SUN1: variants seen among roughly 807,000 people sequenced by gnomAD.
SUN1 encodes Sad1 and UNC84 domain containing 1, also known as SUN domain-containing protein 1.
Under a neutral mutation model 103.2 loss-of-function variants are expected in SUN1, and 61 were observed. The observed-to-expected ratio is 0.59, with a 90% CI of 0.48 to 0.73. The LOEUF (loss-of-function observed/expected upper bound fraction) is 0.73, where lower values mean the gene tolerates loss of function less well. Ranked by LOEUF, SUN1 falls within the 30% of genes least tolerant of loss-of-function variation. The pLI is 0.00. For synonymous variants in SUN1, 490 were observed against 425.7 expected, an observed-to-expected ratio of 1.15 and a Z score of -1.86; for missense variants, 1,052 against 1,034.6, an observed-to-expected ratio of 1.02 and a Z score of -0.23.
chr7:837,848 A>ACTAGAATCACAATTGTGTAAAATATTCTG (rs1804959574), intron 1 of SUN1, among the ~76,000 whole-genome samples: 1 of 152,170 alleles, frequency 6.6e-6, no homozygotes, highest in African/African-American at 2.4e-5. Flanking sequence ...GTTTTCTTAA[A>ACTAGAATCACAATTGTGTAAAATATTCTG]CTAGAATCAC....
chr7:868,376 A>G, intron 16 of SUN1: 1 of 260,246 alleles, frequency 3.8e-6, no homozygotes, highest in South Asian at 3.8e-5. Flanking sequence ...ATGTGTGCGC[A>G]GCAGGCCGAC....
chr7:849,191 C>T (rs1159117639), intron 5 of SUN1, among the ~76,000 whole-genome samples: 1 of 152,220 alleles, frequency 6.6e-6, no homozygotes, highest in East Asian at 1.9e-4. Flanking sequence ...CTCCTGACCT[C>T]GTGATCGCCC....
intron 1 of SUN1, among the ~76,000 whole-genome samples, chr7:817,705 C>T (rs1782135265): frequency 6.6e-6 from 1 of 152,206 alleles, no homozygotes; most frequent in Non-Finnish European, 1.5e-5. Context: ...TACATCTCCA[C>T]TGTGGAGAAA....
intron 3 of SUN1, 29 bp downstream of exon 3, chr7:842,159 C>T (rs369771647): frequency 1.6e-5 from 25 of 1,601,060 alleles, no homozygotes; most frequent in South Asian, 8.9e-5. Context: ...CAGATTGTCC[C>T]GCCTACAGTT....
rs1385354503 is a variant in SUN1 at position 861,289 on chromosome 7, G to A, written c.1780-91G>A. 6 of 1,268,250 alleles carry A rather than the reference G, an allele frequency of 4.7e-6. No individual in the cohort carries two copies. In the African/African-American group the frequency reaches 7.3e-5, roughly 16 times the overall value. 78.6% of individuals were successfully genotyped at this position (1,268,250 alleles called of 1,614,324 possible). ...GTTTCCGTTGAGAAGATGCTCTAAT[G>A]TAAGTGTCTGGTCCTCATCCATGGC... On this transcript the variant is annotated intron_variant, in intron 14 of 18. Transcript: ENST00000401592.
chr7:848,144 G>T (rs372579359), intron 5 of SUN1, among the ~76,000 whole-genome samples: 1 of 56,850 alleles, frequency 1.8e-5, no homozygotes, highest in African/African-American at 6.4e-5. Flanking sequence ...CCGCAGTCCA[G>T]TCTCCAGGAT....
chr7:863,326 G>C (rs917120086), intron 15 of SUN1, among the ~76,000 whole-genome samples: 5 of 151,998 alleles, frequency 3.3e-5, no homozygotes, highest in African/African-American at 1.2e-4. Flanking sequence ...ACCAGCGCCA[G>C]GGCCCCTGGA....
chr7:822,560 T>C (rs1787254683), intron 1 of SUN1, among the ~76,000 whole-genome samples: 1 of 152,216 alleles, frequency 6.6e-6, no homozygotes, highest in Non-Finnish European at 1.5e-5. Flanking sequence ...TTTATTTTGA[T>C]TTTTAATATT....
upstream of SUN1, among the ~76,000 whole-genome samples, chr7:832,264 C>G (rs912262800): frequency 6.6e-6 from 1 of 152,084 alleles, no homozygotes; most frequent in Non-Finnish European, 1.5e-5. Flanking sequence ...TTAGGGTTCC[C>G]CTGGTCTTTT....
At chr7:857,211 C>T (rs1285835448) in intron 12 of SUN1, among the ~76,000 whole-genome samples, 1 of 152,224 alleles carries the variant, frequency 6.6e-6, no homozygotes, top group African/African-American at 2.4e-5. Context: ...GTCCCCGCGT[C>T]TGCACTCGGG....
chr7:827,498 C>A (rs973139648), upstream of SUN1, among the ~76,000 whole-genome samples: 1 of 137,828 alleles, frequency 7.3e-6, no homozygotes, highest in Non-Finnish European at 1.5e-5. Context: ...GAGATGGGGT[C>A]ACGCTCTGTC....
chr7:854,235 C>T (rs1242594291), intron 10 of SUN1, among the ~76,000 whole-genome samples: 1 of 152,238 alleles, frequency 6.6e-6, no homozygotes, highest in East Asian at 1.9e-4. Context: ...TCTTCCAGCA[C>T]GTGCCTGTGG....
chr7:849,975 G>T (rs773413533), intron 5 of SUN1: 1 of 1,602,508 alleles, frequency 6.2e-7, no homozygotes. Flanking sequence ...CCGCCCACTC[G>T]CAGTCGCCAC....
At chr7:835,657 G>A (rs548057727) in intron 1 of SUN1, among the ~76,000 whole-genome samples, 3 of 152,134 alleles carry the variant, frequency 2.0e-5, no homozygotes, top group East Asian at 1.9e-4. Flanking sequence ...ATGGTGTTAC[G>A]GGATGTTGCT....
chr7:839,651 C>G (rs555693751), intron 2 of SUN1, among the ~76,000 whole-genome samples: 2 of 113,110 alleles, frequency 1.8e-5, no homozygotes, highest in South Asian at 6.1e-4. Flanking sequence ...CTCCCGGGTT[C>G]AAGAGATTCT....
chr7:828,392 C>T (rs1023429527), upstream of SUN1, among the ~76,000 whole-genome samples: 1 of 151,972 alleles, frequency 6.6e-6, no homozygotes, highest in African/African-American at 2.4e-5. Context: ...CTGCCTCAGC[C>T]TCCTGAGTAG....
chr7:848,098 C>G (rs1818182233), intron 5 of SUN1, among the ~76,000 whole-genome samples: 1 of 151,520 alleles, frequency 6.6e-6, no homozygotes, highest in African/African-American at 2.4e-5. Flanking sequence ...GGGGGTTACT[C>G]CGCAGTACCC....
chr7:834,529 C>T (rs1205169044), intron 1 of SUN1, among the ~76,000 whole-genome samples: 2 of 152,192 alleles, frequency 1.3e-5, no homozygotes, highest in Admixed American at 6.5e-5. Flanking sequence ...CTTGCCACCT[C>T]AGCTGGCCGG....
chr7:843,059 G>C, intron 3 of SUN1, 147 bp from the exon 4 acceptor site: 1 of 1,145,458 alleles, frequency 8.7e-7, no homozygotes, highest in Non-Finnish European at 1.3e-6. Context: ...TATATCTGGA[G>C]GCATTTTAGG....
Sources: gnomAD v4.1 joint callset for allele counts (sites outside exome capture counted in the v4.1 genomes callset) on GRCh38, gnomAD v4.1.1 for gene constraint, MANE v1.5 for transcripts, NCBI Gene and HGNC (gene_info 2026-07-23, HGNC 2026-07-21) for gene names.